The following GYS2 variants were observed in gnomAD, a reference collection of about 807,000 sequenced individuals.
GYS2 encodes glycogen synthase 2.
In GYS2, 80 loss-of-function variants were observed where a neutral mutation model predicts 85.6. That is an observed-to-expected ratio of 0.93 (90% CI 0.78 to 1.13). The LOEUF (loss-of-function observed/expected upper bound fraction) is 1.13, where lower values mean the gene tolerates loss of function less well. Ranked by LOEUF, GYS2 falls within the 50% of genes most tolerant of loss-of-function variation. GYS2 has a pLI of 0.00. For synonymous variants in GYS2, 328 were observed against 300.7 expected, an observed-to-expected ratio of 1.09 and a Z score of -0.94; for missense variants, 881 against 854.9, an observed-to-expected ratio of 1.03 and a Z score of -0.38.
downstream of GYS2, among the ~76,000 whole-genome samples, chr12:21,535,929 A>G (rs949217624): frequency 3.9e-5 from 6 of 152,216 alleles, no homozygotes; most frequent in African/African-American, 7.2e-5. Context: ...TCATTCATCT[A>G]TGACTCTATG....
intron 11 of GYS2, among the ~76,000 whole-genome samples, 191 bp downstream of exon 11, chr12:21,558,009 T>G (rs189189446): frequency 4.6e-4 from 70 of 152,364 alleles, no homozygotes; most frequent in African/African-American, 1.6e-3. Context: ...TGAATATGCT[T>G]CAATTTTCAA....
At chr12:21,569,069 A>G in intron 4 of GYS2, 60 bp from the exon 5 acceptor site, 1 of 1,539,256 alleles carries the variant, frequency 6.5e-7, no homozygotes, top group Non-Finnish European at 9.0e-7. Flanking sequence ...CACAAGCTAA[A>G]CAAAATCACA....
chr12:21,588,406 C>T (rs528008811), intron 1 of GYS2, among the ~76,000 whole-genome samples: 1 of 152,264 alleles, frequency 6.6e-6, no homozygotes, highest in South Asian at 2.1e-4. Context: ...TGGAAAATTG[C>T]CCTTTGAAAG....
intron 11 of GYS2, among the ~76,000 whole-genome samples, chr12:21,550,890 G>A (rs961186593): frequency 3.3e-5 from 5 of 152,042 alleles, no homozygotes; most frequent in South Asian, 2.1e-4. Flanking sequence ...TGCAGTGAAC[G>A]GAGATCGTGC....
chr12:21,602,270 A>G (rs535336787), intron 1 of GYS2, among the ~76,000 whole-genome samples: 58 of 152,152 alleles, frequency 3.8e-4, no homozygotes, highest in Admixed American at 1.8e-3. Context: ...ACATAATAGT[A>G]AAAAAGTGAA....
chr12:21,542,545 G>C lies in GYS2; in HGVS notation c.1596C>G (p.Ser532=), dbSNP rs368306247. The C allele has an allele frequency of 6.2e-7, 1 of 1,613,582 alleles. No homozygotes were observed. The highest frequency in any genetic ancestry group is 8.5e-7 in the Non-Finnish European group (1 of 1,179,696). The change falls in exon 13 of 16, where the codon TCC becomes TCG. Residue 532 remains serine (S), a synonymous_variant. Transcript: ENST00000261195. ...GCTCCTGCATGAAACAGCCAAACCC[G>C]GAGAGATTCGTGGTCACACTGGGGA... ...MGIPSVTTNL[S]GFGCFMQEHV... is the part of the protein sequence containing the mutation.
chr12:21,549,440 A>T (rs183642603), intron 11 of GYS2, among the ~76,000 whole-genome samples: 1 of 152,334 alleles, frequency 6.6e-6, no homozygotes, highest in East Asian at 1.9e-4. Context: ...AAAAGTCAGG[A>T]AATTAACATT....
At chr12:21,566,273 G>A (rs909879985) in intron 5 of GYS2, among the ~76,000 whole-genome samples, 2 of 151,912 alleles carry the variant, frequency 1.3e-5, no homozygotes, top group Non-Finnish European at 2.9e-5. Flanking sequence ...TAAAAGTAAT[G>A]GCTGTAGTTA....
chr12:21,555,886 GCATCT>G (rs1944173619), intron 11 of GYS2, among the ~76,000 whole-genome samples: 1 of 152,246 alleles, frequency 6.6e-6, no homozygotes, highest in African/African-American at 2.4e-5. Flanking sequence ...CAAAAACATG[GCATCT>G]CAGTAACAAT....
At chr12:21,539,013 AC>A (rs149229872) in intron 15 of GYS2, among the ~76,000 whole-genome samples, 3,133 of 152,306 alleles carry the variant, frequency 0.021, 62 homozygotes, top group Non-Finnish European at 0.029. Flanking sequence ...GTCCATCAGA[AC>A]CATTTCAAGC....
chr12:21,549,449 T>C (rs535543479), intron 11 of GYS2, among the ~76,000 whole-genome samples: 1 of 152,278 alleles, frequency 6.6e-6, no homozygotes, highest in Admixed American at 6.5e-5. Context: ...GAAATTAACA[T>C]TGATGCATCA....
chr12:21,575,546 C>A (rs1399839322), intron 3 of GYS2, among the ~76,000 whole-genome samples: 1 of 151,962 alleles, frequency 6.6e-6, no homozygotes, highest in Non-Finnish European at 1.5e-5. Flanking sequence ...ATTTGCTACT[C>A]TTAAGATTCT....
chr12:21,599,180 GC>G (rs1944728205), intron 1 of GYS2, among the ~76,000 whole-genome samples: 1 of 151,570 alleles, frequency 6.6e-6, no homozygotes, highest in South Asian at 2.1e-4. Flanking sequence ...TTTTGTATAT[GC>G]TTAAAAATTA....
chr12:21,572,625 C>T (rs1319082985), intron 4 of GYS2, among the ~76,000 whole-genome samples: 1 of 152,224 alleles, frequency 6.6e-6, no homozygotes, highest in East Asian at 1.9e-4. Flanking sequence ...TCTGACTAAA[C>T]TTAAGTATCT....
At chr12:21,553,903 A>C (rs1944143130) in intron 11 of GYS2, among the ~76,000 whole-genome samples, 1 of 151,934 alleles carries the variant, frequency 6.6e-6, no homozygotes, top group South Asian at 2.1e-4. Context: ...ATCGAAAACT[A>C]TTTTTCCTAT....
chr12:21,590,647 A>T (rs1944627862), intron 1 of GYS2, among the ~76,000 whole-genome samples: 1 of 152,124 alleles, frequency 6.6e-6, no homozygotes, highest in African/African-American at 2.4e-5. Context: ...CACTACTGAC[A>T]CCCAAGCAAA....
intron 13 of GYS2, among the ~76,000 whole-genome samples, chr12:21,541,932 C>T (rs1391302466): frequency 6.6e-6 from 1 of 152,134 alleles, no homozygotes; most frequent in Non-Finnish European, 1.5e-5. Context: ...TGTTTAGCTC[C>T]CACTTATAAG....
intron 1 of GYS2, among the ~76,000 whole-genome samples, chr12:21,592,735 C>T (rs910371037): frequency 6.6e-6 from 1 of 151,992 alleles, no homozygotes; most frequent in Admixed American, 6.6e-5. Flanking sequence ...ATCATCTAGA[C>T]AGAAAATTAA....
intron 12 of GYS2, 69 bp from the exon 13 acceptor site, chr12:21,542,660 G>C: frequency 1.1e-6 from 1 of 952,360 alleles, no homozygotes; most frequent in Non-Finnish European, 1.7e-6. Context: ...ACTCAGAGGA[G>C]GAAAAGGCCC....
Sources: gnomAD v4.1 joint callset for allele counts (sites outside exome capture counted in the v4.1 genomes callset) on GRCh38, gnomAD v4.1.1 for gene constraint, MANE v1.5 for transcripts, NCBI Gene and HGNC (gene_info 2026-07-23, HGNC 2026-07-21) for gene names.